Variants in HS3ST4 observed in about 807,000 individuals in gnomAD.
HS3ST4 encodes heparan sulfate-glucosamine 3-sulfotransferase 4, also known as heparan sulfate glucosamine 3-O-sulfotransferase 4.
HS3ST4 carries 17 observed loss-of-function variants against 29.2 expected under a neutral mutation model. The observed-to-expected ratio is 0.58, with a 90% confidence interval of 0.40 to 0.87. The LOEUF is 0.87. HS3ST4 is among the 40% of genes least tolerant of loss of function. The probability of loss-of-function intolerance (pLI) is 0.00; values close to 1 mark genes in which losing one functional copy is unlikely to be tolerated. For missense variants in HS3ST4, 627 were observed against 634.5 expected (o/e 0.99, Z 0.13); for synonymous variants, 314 against 285.7 (o/e 1.10, Z -1.00).
At chr16:25,951,491 T>C (rs1968682899) in intron 1 of HS3ST4, among the ~76,000 whole-genome samples, 1 of 152,168 alleles carries the variant, frequency 6.6e-6, no homozygotes, top group African/African-American at 2.4e-5. Context: ...CACTAACATA[T>C]TATACTAATT....
intron 1 of HS3ST4, among the ~76,000 whole-genome samples, chr16:25,933,867 C>T (rs1474862961): frequency 6.6e-6 from 1 of 152,090 alleles, no homozygotes; most frequent in Admixed American, 6.5e-5. Context: ...CCACTCATTA[C>T]CACAAAGCCA....
intron 1 of HS3ST4, among the ~76,000 whole-genome samples, chr16:25,803,928 T>C (rs1378437241): frequency 6.6e-6 from 1 of 152,102 alleles, no homozygotes; most frequent in African/African-American, 2.4e-5. Context: ...TCATTTTTCA[T>C]ATTTTGGTTC....
At chr16:25,744,554 A>ATC (rs67302699) in intron 1 of HS3ST4, among the ~76,000 whole-genome samples, 1 of 54,676 alleles carries the variant, frequency 1.8e-5, no homozygotes, top group Non-Finnish European at 7.6e-5. Context: ...TCATTTTTCT[A>ATC]TCATCATCAT....
intron 1 of HS3ST4, among the ~76,000 whole-genome samples, chr16:26,027,458 C>A (rs538031051): frequency 6.6e-6 from 1 of 152,356 alleles, no homozygotes; most frequent in East Asian, 1.9e-4. Flanking sequence ...ACATTGTCTA[C>A]TTTGTCATGT....
intron 1 of HS3ST4, among the ~76,000 whole-genome samples, chr16:26,106,844 CCTT>C (rs1387954250): frequency 1.3e-5 from 2 of 152,196 alleles, no homozygotes; most frequent in African/African-American, 4.8e-5. Flanking sequence ...TCGTTAATCT[CCTT>C]CTGCTGAGTG....
chr16:26,037,220 G>A (rs191692918), intron 1 of HS3ST4, among the ~76,000 whole-genome samples: 8 of 152,240 alleles, frequency 5.3e-5, no homozygotes, highest in Non-Finnish European at 8.8e-5. Flanking sequence ...CACCTGCTAC[G>A]TGCCTTTCCA....
intron 1 of HS3ST4, among the ~76,000 whole-genome samples, chr16:25,725,983 A>G (rs932507171): frequency 6.6e-6 from 1 of 152,196 alleles, no homozygotes; most frequent in Non-Finnish European, 1.5e-5. Flanking sequence ...ATGACCTAGT[A>G]TAAACACACA....
At chr16:25,734,003 G>C (rs1267366102) in intron 1 of HS3ST4, among the ~76,000 whole-genome samples, 1 of 152,172 alleles carries the variant, frequency 6.6e-6, no homozygotes, top group Non-Finnish European at 1.5e-5. Context: ...TGTAGTCCCA[G>C]CTACTTGGGA....
intron 1 of HS3ST4, among the ~76,000 whole-genome samples, chr16:25,742,224 T>C (rs2141598058): frequency 6.6e-6 from 1 of 152,260 alleles, no homozygotes; most frequent in Non-Finnish European, 1.5e-5. Flanking sequence ...GTCACATTGG[T>C]TTCATTTATG....
chr16:25,732,239 C>A (rs1268468786), intron 1 of HS3ST4, among the ~76,000 whole-genome samples: 1 of 152,200 alleles, frequency 6.6e-6, no homozygotes, highest in Non-Finnish European at 1.5e-5. Flanking sequence ...ACCCCCCAAA[C>A]CCTTGGCATC....
At chr16:25,731,528 A>G (rs963250234) in intron 1 of HS3ST4, among the ~76,000 whole-genome samples, 2 of 151,880 alleles carry the variant, frequency 1.3e-5, no homozygotes, top group African/African-American at 2.4e-5. Flanking sequence ...TTTTTAAGAG[A>G]TGGAGTCTTG....
At position 25,833,179 on chromosome 16, in the gene HS3ST4, G is replaced by A. The variant is rs1012084677; in HGVS notation, c.734+140028G>A. Among the ~76,000 whole-genome samples the A allele has an allele frequency of 5.3e-5, 8 of 152,188 alleles. No individual in the cohort carries two copies. In the South Asian group the frequency reaches 6.2e-4, roughly 12 times the overall value. ...CTTAATAGCTTGAGACCTTTGGACC[G>A]ATTTCAGCTGAATTGATAGAAACCA... On this transcript the variant is annotated intron_variant, in intron 1 of 1. Transcript: ENST00000331351.
intron 1 of HS3ST4, among the ~76,000 whole-genome samples, chr16:25,724,698 A>G (rs1294498064): frequency 6.6e-6 from 1 of 152,094 alleles, no homozygotes; most frequent in East Asian, 1.9e-4. Context: ...CTGTTCGTCT[A>G]ACAGCGAAGT....
chr16:25,984,042 A>T (rs1969036846), intron 1 of HS3ST4, among the ~76,000 whole-genome samples: 1 of 152,152 alleles, frequency 6.6e-6, no homozygotes. Flanking sequence ...CATATCCATC[A>T]TCTCCAGCAT....
chr16:26,133,700 G>A (rs1306036679), intron 1 of HS3ST4, among the ~76,000 whole-genome samples: 1 of 152,202 alleles, frequency 6.6e-6, no homozygotes, highest in African/African-American at 2.4e-5. Flanking sequence ...TATTGACAGA[G>A]CATGTGAATT....
chr16:26,134,309 C>G (rs1898249195), intron 1 of HS3ST4, among the ~76,000 whole-genome samples: 1 of 150,752 alleles, frequency 6.6e-6, no homozygotes, highest in South Asian at 2.1e-4. Context: ...TCTTATATGT[C>G]ATTTTCCTCT....
chr16:25,788,325 G>A (rs910497569), intron 1 of HS3ST4, among the ~76,000 whole-genome samples: 1 of 151,134 alleles, frequency 6.6e-6, no homozygotes, highest in African/African-American at 2.4e-5. Flanking sequence ...TGAGGCGGGA[G>A]AATCACTTGA....
chr16:25,857,829 G>A (rs1967589142), intron 1 of HS3ST4, among the ~76,000 whole-genome samples: 1 of 151,606 alleles, frequency 6.6e-6, no homozygotes, highest in Admixed American at 6.6e-5. Context: ...ATTTTGTCCT[G>A]GAATCCTTAA....
intron 1 of HS3ST4, among the ~76,000 whole-genome samples, chr16:25,786,655 T>C (rs1966858093): frequency 1.3e-5 from 2 of 152,210 alleles, no homozygotes; most frequent in Admixed American, 1.3e-4. Flanking sequence ...GAGAACATTT[T>C]ATTACAAGTA....
Sources: gnomAD v4.1 joint callset for allele counts (sites outside exome capture counted in the v4.1 genomes callset) on GRCh38, gnomAD v4.1.1 for gene constraint, MANE v1.5 for transcripts, NCBI Gene and HGNC (gene_info 2026-07-23, HGNC 2026-07-21) for gene names.